PLCB1: variants seen among roughly 807,000 people sequenced by gnomAD.
PLCB1 encodes the protein 1-phosphatidylinositol 4,5-bisphosphate phosphodiesterase beta-1.
Under a neutral mutation model 161.8 loss-of-function variants are expected in PLCB1, and 46 were observed. The observed-to-expected ratio is 0.28, with a 90% CI of 0.22 to 0.36. The LOEUF (loss-of-function observed/expected upper bound fraction) is 0.36. PLCB1 is among the 10% of genes least tolerant of loss of function. PLCB1 has a pLI of 1.00. For synonymous variants in PLCB1, 517 were observed against 503.7 expected, an observed-to-expected ratio of 1.03 and a Z score of -0.35; for missense variants, 1,016 against 1,472.5, an observed-to-expected ratio of 0.69 and a Z score of 5.07.
chr20:8,285,472 AT>A (rs890224744), intron 2 of PLCB1, among the ~76,000 whole-genome samples: 31 of 152,100 alleles, frequency 2.0e-4, no homozygotes, highest in African/African-American at 7.5e-4. Flanking sequence ...TTTAATTTTT[AT>A]TTTTTAAGAA....
intron 9 of PLCB1, among the ~76,000 whole-genome samples, chr20:8,661,515 T>A (rs1489237173): frequency 1.3e-5 from 2 of 149,342 alleles, no homozygotes; most frequent in African/African-American, 2.5e-5. Flanking sequence ...TATTTGTAGC[T>A]CCTTCTTCTC....
At chr20:8,461,044 A>G (rs1449304294) in intron 3 of PLCB1, among the ~76,000 whole-genome samples, 1 of 152,204 alleles carries the variant, frequency 6.6e-6, no homozygotes, top group African/African-American at 2.4e-5. Context: ...CAACTCAGGA[A>G]CTAAAATTTA....
intron 3 of PLCB1, among the ~76,000 whole-genome samples, chr20:8,470,087 G>A (rs1981987033): frequency 1.3e-5 from 2 of 152,064 alleles, no homozygotes; most frequent in South Asian, 4.1e-4. Context: ...AGATCCATCC[G>A]TGTAAAATGG....
At chr20:8,591,433 A>C in intron 3 of PLCB1, among the ~76,000 whole-genome samples, 1 of 152,322 alleles carries the variant, frequency 6.6e-6, no homozygotes, top group Middle Eastern at 3.4e-3. Context: ...AAGAACATAA[A>C]GAATCAAAGA....
At chr20:8,177,712 A>G (rs532455512) in intron 2 of PLCB1, among the ~76,000 whole-genome samples, 3 of 152,204 alleles carry the variant, frequency 2.0e-5, no homozygotes, top group African/African-American at 7.2e-5. Flanking sequence ...ATTTATTTTC[A>G]GGGGTATATG....
intron 3 of PLCB1, among the ~76,000 whole-genome samples, chr20:8,616,556 C>T (rs1332260283): frequency 6.6e-6 from 1 of 152,158 alleles, no homozygotes; most frequent in South Asian, 2.1e-4. Flanking sequence ...ATGTAAGCAC[C>T]ACCAGGGTGT....
At chr20:8,338,511 C>G (rs1295426209) in intron 2 of PLCB1, among the ~76,000 whole-genome samples, 1 of 152,100 alleles carries the variant, frequency 6.6e-6, no homozygotes, top group Non-Finnish European at 1.5e-5. Context: ...TGATGATGGT[C>G]AAGTCTAAGG....
At chr20:8,140,648 G>C (rs1032662686) in intron 1 of PLCB1, among the ~76,000 whole-genome samples, 1 of 152,178 alleles carries the variant, frequency 6.6e-6, no homozygotes, top group Non-Finnish European at 1.5e-5. Context: ...GCTAGTGATT[G>C]TGATTTGTCG....
chr20:8,408,516 A>T lies in PLCB1; in HGVS notation c.246+37066A>T, dbSNP rs577519258. On this transcript the variant is annotated intron_variant, in intron 3 of 31. Coordinates refer to ENST00000338037, the MANE Select transcript of PLCB1 (RefSeq NM_015192.4). ...CTGTTCTGAATTGGAAGTTTTTTTT[A>T]AAAAAAAAAATCAGATTATGGCGAC... Among the ~76,000 whole-genome samples, 305 of 149,160 alleles carry T rather than the reference A, an allele frequency of 2.0e-3. 3 individuals are homozygous for T. The highest frequency in any genetic ancestry group is 0.015 in the South Asian group (73 of 4,712).
intron 3 of PLCB1, among the ~76,000 whole-genome samples, chr20:8,600,933 G>A (rs1207167663): frequency 5.3e-5 from 8 of 152,018 alleles, no homozygotes; most frequent in African/African-American, 7.2e-5. Context: ...CTTCCCAAGT[G>A]AGGCAATGCC....
At chr20:8,223,859 G>T (rs1397164028) in intron 2 of PLCB1, among the ~76,000 whole-genome samples, 1 of 152,104 alleles carries the variant, frequency 6.6e-6, no homozygotes, top group African/African-American at 2.4e-5. Context: ...TGGGATAATT[G>T]GCCTCACCCC....
At chr20:8,739,536 G>A (rs1980762255) in intron 21 of PLCB1, among the ~76,000 whole-genome samples, 176 bp downstream of exon 21, 1 of 152,194 alleles carries the variant, frequency 6.6e-6, no homozygotes, top group African/African-American at 2.4e-5. Context: ...ATTAATGTTA[G>A]TCAACTCTTT....
intron 23 of PLCB1, among the ~76,000 whole-genome samples, chr20:8,750,120 T>A (rs1981379007): frequency 6.6e-6 from 1 of 152,122 alleles, no homozygotes; most frequent in South Asian, 2.1e-4. Context: ...GCTACTAATG[T>A]TCAACAAAAT....
At chr20:8,750,891 A>C (rs918915954) in intron 23 of PLCB1, 5 of 1,351,170 alleles carry the variant, frequency 3.7e-6, no homozygotes, top group Non-Finnish European at 5.0e-6. Flanking sequence ...TGTGGTGCCC[A>C]TCCAAAGCAA....
rs1568573970 is a variant in PLCB1 at position 8,724,173 on chromosome 20, T to TA, written c.1582-483_1582-482insA. Among the ~76,000 whole-genome samples, 4 of 22,676 alleles carry TA rather than the reference T, an allele frequency of 1.8e-4. No homozygotes were observed. In the East Asian group the frequency reaches 0.023, roughly 133 times the overall value. 14.9% of individuals were successfully genotyped at this position (22,676 alleles called of 152,430 possible). A position where few individuals can be genotyped will look rare whatever the true frequency, so the allele number is the denominator to read the frequency against. On this transcript the variant is annotated intron_variant, in intron 15 of 31. Coordinates refer to ENST00000338037, the MANE Select transcript of PLCB1 (RefSeq NM_015192.4). ...ACAAACCCCAGTGACATAAGTTTAT[T>TA]TATATAAAAAAAAAAACCTGCACGT...
intron 3 of PLCB1, among the ~76,000 whole-genome samples, chr20:8,525,065 C>T (rs1984528018): frequency 6.6e-6 from 1 of 152,014 alleles, no homozygotes; most frequent in African/African-American, 2.4e-5. Context: ...TTTTTAAAAT[C>T]ATGATTAATA....
intron 3 of PLCB1, among the ~76,000 whole-genome samples, chr20:8,615,670 T>A (rs559754494): frequency 6.1e-4 from 93 of 152,138 alleles, no homozygotes; most frequent in African/African-American, 2.0e-3. Flanking sequence ...GGGAAAAAAA[T>A]TTCAGAATTA....
intron 31 of PLCB1, among the ~76,000 whole-genome samples, chr20:8,822,684 A>G (rs562387719): frequency 6.6e-4 from 101 of 152,324 alleles, no homozygotes; most frequent in Non-Finnish European, 1.0e-3. Flanking sequence ...TTGGTTAAAC[A>G]ATAGTCCCTC....
chr20:8,301,697 T>G (rs1197122545), intron 2 of PLCB1, among the ~76,000 whole-genome samples: 4 of 152,194 alleles, frequency 2.6e-5, no homozygotes, highest in Non-Finnish European at 5.9e-5. Context: ...CAGGCTCTAC[T>G]CAACATCTAG....
Sources: allele counts gnomAD v4.1 joint callset (sites outside exome capture counted in the v4.1 genomes callset), GRCh38; gene constraint gnomAD v4.1.1; transcripts MANE v1.5; gene names NCBI Gene and HGNC (gene_info 2026-07-23, HGNC 2026-07-21).